The following CRISPLD2 variants were observed in gnomAD, a reference collection of about 807,000 sequenced individuals.
The protein encoded by CRISPLD2 is cysteine rich secretory protein LCCL domain containing 2.
In CRISPLD2, 47 loss-of-function variants were observed where a neutral mutation model predicts 71.1. That is an observed-to-expected ratio of 0.66 (90% CI 0.52 to 0.84). The LOEUF is 0.84. Among genes scored for constraint, CRISPLD2 ranks in the 40% least tolerant of loss-of-function variants. The probability of loss-of-function intolerance (pLI) is 0.00; values close to 1 mark genes in which losing one functional copy is unlikely to be tolerated. For synonymous variants in CRISPLD2, 317 were observed against 250.1 expected, an observed-to-expected ratio of 1.27 and a Z score of -2.52; for missense variants, 830 against 651.1, an observed-to-expected ratio of 1.27 and a Z score of -2.99.
At chr16:84,874,570 G>A (rs1032753564) in intron 11 of CRISPLD2, among the ~76,000 whole-genome samples, 1 of 152,236 alleles carries the variant, frequency 6.6e-6, no homozygotes, top group African/African-American at 2.4e-5. Context: ...AAGCAAGGAT[G>A]TAGGAGCCAT....
chr16:84,851,553 G>T (rs575797680), intron 5 of CRISPLD2, among the ~76,000 whole-genome samples: 98 of 152,336 alleles, frequency 6.4e-4, no homozygotes, highest in Non-Finnish European at 1.8e-4. Context: ...GATGAAGGGG[G>T]AATCGCTGAG....
In CRISPLD2 at chr16:84,909,105, T is replaced by C. The variant is rs1201471618; in HGVS notation, c.*2463T>C. On this transcript the variant is annotated 3_prime_UTR_variant, in exon 15 of 15. Coordinates refer to ENST00000262424, the MANE Select transcript of CRISPLD2 (RefSeq NM_031476.4). ...CCTGTCCCTAGCACCACCTCTCCTG[T>C]GTGTGGAATAGAGGCCCCTCGTGCT... 1 of 152,602 alleles carries C rather than the reference T, an allele frequency of 6.6e-6. No individual in the cohort carries two copies. The highest frequency in any genetic ancestry group is 1.5e-5 in the Non-Finnish European group (1 of 68,058). The allele number at this position is 152,602 out of a possible 1,614,324, so 9.5% of individuals were successfully genotyped here.
chr16:84,872,470 C>T lies in CRISPLD2; in HGVS notation c.943C>T (p.His315Tyr), dbSNP rs1251093495. 6.8e-6 allele frequency: 11 copies of T among 1,613,958 alleles called. No homozygotes were observed. Among genetic ancestry groups the T allele is most frequent in the Non-Finnish European group, 7.6e-6 (9 of 1,179,920 alleles). Residue 315 changes from histidine to tyrosine, a missense_variant, in exon 9 of 15, where the codon CAC becomes TAC. Physicochemically the swap from His to Tyr is moderately conservative, Grantham distance 83. Transcript: ENST00000262424. ...CCAGTGCCCAGCAGGCTGCCTGAAC[C>T]ACAAGGCGAAGATCTTTGGAACTCT... is the stretch of plus-strand genomic sequence containing the variant. Reference protein sequence around the residue: ...RYQCPAGCLNHKAKIFGTLFY... With the variant: ...RYQCPAGCLNYKAKIFGTLFY...
At chr16:84,870,134 T>G (rs895559947) in intron 8 of CRISPLD2, among the ~76,000 whole-genome samples, 1 of 151,980 alleles carries the variant, frequency 6.6e-6, no homozygotes, top group African/African-American at 2.4e-5. Flanking sequence ...AGTCAGTGGG[T>G]TTTTTTTCTG....
chr16:84,854,422 A>G (rs1277773130), intron 5 of CRISPLD2, among the ~76,000 whole-genome samples: 5 of 152,116 alleles, frequency 3.3e-5, no homozygotes, highest in African/African-American at 1.2e-4. Context: ...GGGCCCTAAC[A>G]GTGTTCAGAG....
intron 1 of CRISPLD2, chr16:84,836,359 G>T (rs891433011): frequency 6.6e-5 from 10 of 152,116 alleles, no homozygotes; most frequent in African/African-American, 1.7e-4. Flanking sequence ...CATATATGGT[G>T]GTGTGACTAA....
At chr16:84,904,618 T>A (rs1309877622) in intron 14 of CRISPLD2, among the ~76,000 whole-genome samples, 4 of 148,234 alleles carry the variant, frequency 2.7e-5, no homozygotes, top group Admixed American at 1.3e-4. Context: ...AAAAAAAAAA[T>A]TAAAAAAAAA....
At chr16:84,895,924 A>C (rs147959006) in intron 14 of CRISPLD2, among the ~76,000 whole-genome samples, 12 of 152,262 alleles carry the variant, frequency 7.9e-5, no homozygotes, top group African/African-American at 2.2e-4. Flanking sequence ...CTCAGAGAAA[A>C]GGGTTAACCA....
At chr16:84,869,155 A>G (rs2071443381) in intron 8 of CRISPLD2, among the ~76,000 whole-genome samples, 5 of 152,212 alleles carry the variant, frequency 3.3e-5, no homozygotes, top group Admixed American at 3.3e-4. Context: ...GCCCCACCAG[A>G]CAGATGGGCC....
At chr16:84,899,832 G>A (rs995127603) in intron 14 of CRISPLD2, among the ~76,000 whole-genome samples, 3 of 152,160 alleles carry the variant, frequency 2.0e-5, no homozygotes, top group East Asian at 1.9e-4. Context: ...AGAACCCACT[G>A]CACCGTCCAT....
At chr16:84,898,184 C>G (rs772121898) in intron 14 of CRISPLD2, among the ~76,000 whole-genome samples, 10 of 152,208 alleles carry the variant, frequency 6.6e-5, no homozygotes, top group Non-Finnish European at 1.3e-4. Context: ...AGGTGACTTC[C>G]TCTTACCAGA....
At chr16:84,892,858 G>A (rs1033082064) in intron 14 of CRISPLD2, among the ~76,000 whole-genome samples, 4 of 151,094 alleles carry the variant, frequency 2.6e-5, no homozygotes, top group African/African-American at 9.8e-5. Flanking sequence ...CGCCTGTAAT[G>A]CCAGCTACTC....
chr16:84,888,598 G>T (rs995643067), intron 13 of CRISPLD2, among the ~76,000 whole-genome samples: 3 of 152,220 alleles, frequency 2.0e-5, no homozygotes, highest in African/African-American at 7.2e-5. Context: ...TACATGGCAT[G>T]AATGGCCCCT....
intron 8 of CRISPLD2, among the ~76,000 whole-genome samples, chr16:84,870,300 C>A (rs1397678512): frequency 6.6e-6 from 1 of 151,846 alleles, no homozygotes; most frequent in Non-Finnish European, 1.5e-5. Flanking sequence ...ACAGATGAGG[C>A]TAATGCTGCC....
chr16:84,897,065 TG>T (rs140326081), intron 14 of CRISPLD2, among the ~76,000 whole-genome samples: 249 of 152,360 alleles, frequency 1.6e-3, no homozygotes, highest in Non-Finnish European at 3.2e-3. Context: ...TGTCCCTGGC[TG>T]GCCTCTAGGA....
At chr16:84,834,448 G>A (rs982097151) in intron 1 of CRISPLD2, among the ~76,000 whole-genome samples, 5 of 152,236 alleles carry the variant, frequency 3.3e-5, no homozygotes, top group South Asian at 2.1e-4. Context: ...CAGGGCTGCC[G>A]GGCACTGCCC....
rs1878214413 is a variant in CRISPLD2, at chr16:84,906,494, G to A, written c.1440-94G>A. The A allele has an allele frequency of 4.5e-6, 6 of 1,325,296 alleles. 1 individual carries two copies. In the South Asian group the frequency reaches 7.3e-5, roughly 16 times the overall value. 82.1% of individuals were successfully genotyped at this position (1,325,296 alleles called of 1,614,324 possible). A position where few individuals can be genotyped will look rare whatever the true frequency, so the allele number is the denominator to read the frequency against. On this transcript the variant is annotated intron_variant, in intron 14 of 14. Coordinates refer to ENST00000262424, the MANE Select transcript of CRISPLD2 (RefSeq NM_031476.4). ...CATGGCTCTTCCACTACGGGAGCAA[G>A]CAGGAGGCACCCAGGTCTCCCTGCC...
chr16:84,843,449 G>A lies in CRISPLD2; in HGVS notation c.241-2337G>A, dbSNP rs146691798. Among the ~76,000 whole-genome samples, 32 of 152,326 alleles carry A rather than the reference G, an allele frequency of 2.1e-4. No homozygotes were observed. The East Asian group carries it at 5.2e-3, about 25-fold the overall frequency. On this transcript the variant is annotated intron_variant, in intron 2 of 14. Transcript: ENST00000262424. ...AAAACCCCAAAGAGTTGAGCAGCCC[G>A]TTCTGAGGTTTTATGAGTGGACAGG...
rs546814137 is a variant in CRISPLD2, at chr16:84,836,681, C to T, written c.-74-1741C>T. ...CAACGTTTCTGCTTCCTGGGATGCC[C>T]GTCTTGGCCTCTATCCCCTCCAGGC... is the stretch of plus-strand genomic sequence containing the variant. On this transcript the variant is annotated intron_variant, in intron 1 of 14. Transcript: ENST00000262424. 1.1e-4 allele frequency among the ~76,000 whole-genome samples: 16 copies of T among 152,242 alleles called. No homozygotes were observed. The East Asian group carries it at 2.3e-3, about 22-fold the overall frequency.
Sources: gnomAD v4.1 joint callset for allele counts (sites outside exome capture counted in the v4.1 genomes callset) on GRCh38, gnomAD v4.1.1 for gene constraint, MANE v1.5 for transcripts, NCBI Gene and HGNC (gene_info 2026-07-23, HGNC 2026-07-21) for gene names.